The following PLCB1 variants were observed in gnomAD, a reference collection of about 807,000 sequenced individuals.
PLCB1 encodes phospholipase C beta 1.
A neutral mutation model predicts 161.8 loss-of-function variants in PLCB1; 46 were observed. That is an observed-to-expected ratio of 0.28 (90% CI 0.22 to 0.36). The LOEUF is 0.36. Ranked by LOEUF, PLCB1 falls within the 10% of genes least tolerant of loss-of-function variation. The probability of loss-of-function intolerance (pLI) is 1.00; values close to 1 mark genes in which losing one functional copy is unlikely to be tolerated. For synonymous variants in PLCB1, 517 were observed against 503.7 expected (o/e 1.03, Z -0.35); for missense variants, 1,016 against 1,472.5 (o/e 0.69, Z 5.07).
At chr20:8,634,138 A>G (rs921632144) in intron 4 of PLCB1, among the ~76,000 whole-genome samples, 3 of 152,196 alleles carry the variant, frequency 2.0e-5, no homozygotes, top group Non-Finnish European at 2.9e-5. Context: ...TACTGCTTTG[A>G]TAGATACTGT....
chr20:8,213,197 T>C (rs933263130), intron 2 of PLCB1, among the ~76,000 whole-genome samples: 1 of 152,172 alleles, frequency 6.6e-6, no homozygotes, highest in Non-Finnish European at 1.5e-5. Flanking sequence ...TTATGTTTCA[T>C]AGTTGCTTTT....
chr20:8,433,445 T>C (rs1167241789), intron 3 of PLCB1, among the ~76,000 whole-genome samples: 1 of 116,428 alleles, frequency 8.6e-6, no homozygotes, highest in Non-Finnish European at 1.9e-5. Flanking sequence ...TTTCTGAAGA[T>C]CTTCCATAAA....
intron 2 of PLCB1, among the ~76,000 whole-genome samples, chr20:8,335,725 A>G (rs1446857615): frequency 2.0e-5 from 3 of 152,266 alleles, no homozygotes; most frequent in Non-Finnish European, 4.4e-5. Flanking sequence ...AATTAATGCC[A>G]TTACAAGGCA....
intron 2 of PLCB1, among the ~76,000 whole-genome samples, chr20:8,252,737 T>G (rs1406618299): frequency 6.6e-6 from 1 of 151,932 alleles, no homozygotes; most frequent in Non-Finnish European, 1.5e-5. Context: ...GAGCACTGAG[T>G]GTAGAATTTC....
chr20:8,626,779 T>G (rs4419296), intron 3 of PLCB1, among the ~76,000 whole-genome samples: 56,754 of 152,014 alleles, frequency 0.37, 10,915 homozygotes, highest in Admixed American at 0.48. Flanking sequence ...TTACAAGTAC[T>G]AATATGTTTT....
chr20:8,803,811 G>A (rs1052689954), intron 31 of PLCB1, among the ~76,000 whole-genome samples: 5 of 148,010 alleles, frequency 3.4e-5, no homozygotes, highest in Admixed American at 2.7e-4. Context: ...GTTTGTTTTT[G>A]AGACATTGTT....
chr20:8,553,045 T>A (rs1469484989), intron 3 of PLCB1, among the ~76,000 whole-genome samples: 2 of 152,130 alleles, frequency 1.3e-5, no homozygotes, highest in African/African-American at 2.4e-5. Context: ...CCGATTTACA[T>A]CCATCGCTGC....
intron 3 of PLCB1, among the ~76,000 whole-genome samples, chr20:8,569,261 G>A (rs1042748984): frequency 1.3e-5 from 2 of 152,182 alleles, no homozygotes; most frequent in African/African-American, 4.8e-5. Flanking sequence ...ACGGTGAAAA[G>A]CTGTCTCTAA....
intron 3 of PLCB1, among the ~76,000 whole-genome samples, chr20:8,565,464 TACTTAAAGTATAATAAAA>T (rs1032599318): frequency 5.3e-5 from 8 of 151,984 alleles, no homozygotes; most frequent in African/African-American, 1.7e-4. Context: ...TCTGCGCATG[TACTTAAAGTATAATAAAA>T]ACTTAAAGTA....
chr20:8,309,124 T>C (rs1984273198), intron 2 of PLCB1, among the ~76,000 whole-genome samples: 1 of 152,160 alleles, frequency 6.6e-6, no homozygotes, highest in South Asian at 2.1e-4. Flanking sequence ...GAATGAAGAA[T>C]CTGAGGTGGG....
intron 12 of PLCB1, among the ~76,000 whole-genome samples, chr20:8,712,549 A>G (rs1979077683): frequency 1.3e-5 from 2 of 152,192 alleles, no homozygotes; most frequent in South Asian, 4.1e-4. Flanking sequence ...TAAAAGCCCT[A>G]CTTGACTCTG....
chr20:8,378,949 T>C (rs1412732558), intron 3 of PLCB1, among the ~76,000 whole-genome samples: 2 of 152,188 alleles, frequency 1.3e-5, no homozygotes, highest in Admixed American at 6.6e-5. Flanking sequence ...GTTTTATTTA[T>C]TTATTTTTAC....
chr20:8,505,911 T>A (rs1983619649), intron 3 of PLCB1, among the ~76,000 whole-genome samples: 1 of 152,200 alleles, frequency 6.6e-6, no homozygotes, highest in Non-Finnish European at 1.5e-5. Context: ...TCTATCAAAA[T>A]GGACCACTGG....
At chr20:8,612,987 G>C in intron 3 of PLCB1, among the ~76,000 whole-genome samples, 1 of 152,124 alleles carries the variant, frequency 6.6e-6, no homozygotes, top group East Asian at 1.9e-4. Context: ...GACAGATCTG[G>C]ATGTGAGATG....
intron 3 of PLCB1, among the ~76,000 whole-genome samples, chr20:8,588,030 A>G (rs1463125381): frequency 6.6e-6 from 1 of 152,160 alleles, no homozygotes; most frequent in East Asian, 1.9e-4. Context: ...CGAAACTGTC[A>G]CTCTGGTGTT....
chr20:8,700,251 G>A (rs974779806), intron 11 of PLCB1, among the ~76,000 whole-genome samples: 2 of 152,184 alleles, frequency 1.3e-5, no homozygotes, highest in Non-Finnish European at 1.5e-5. Flanking sequence ...CCAGGCCACT[G>A]CCCTGTCTAC....
intron 12 of PLCB1, among the ~76,000 whole-genome samples, chr20:8,711,931 C>CAA (rs1387908379): frequency 3.3e-5 from 5 of 152,176 alleles, no homozygotes; most frequent in African/African-American, 1.2e-4. Context: ...CTGTGTGCTG[C>CAA]ATGTATGGAA....
At chr20:8,179,395 C>G (rs2051815349) in intron 2 of PLCB1, among the ~76,000 whole-genome samples, 1 of 151,966 alleles carries the variant, frequency 6.6e-6, no homozygotes, top group Non-Finnish European at 1.5e-5. Context: ...TTTTTTGTGG[C>G]TACTGTGAAT....
intron 2 of PLCB1, among the ~76,000 whole-genome samples, chr20:8,186,153 A>T (rs939018651): frequency 6.6e-6 from 1 of 152,120 alleles, no homozygotes; most frequent in African/African-American, 2.4e-5. Context: ...ATTTTATCCC[A>T]AAGTTTGGAT....
Sources: gnomAD v4.1 joint callset for allele counts (sites outside exome capture counted in the v4.1 genomes callset) on GRCh38, gnomAD v4.1.1 for gene constraint, MANE v1.5 for transcripts, NCBI Gene and HGNC (gene_info 2026-07-23, HGNC 2026-07-21) for gene names.